PPIL6: variants seen among roughly 807,000 people sequenced by gnomAD.
The protein encoded by PPIL6 is probable inactive peptidyl-prolyl cis-trans isomerase-like 6.
A neutral mutation model predicts 36.8 loss-of-function variants in PPIL6; 39 were observed. The observed-to-expected ratio is 1.06, with a 90% confidence interval of 0.82 to 1.38. PPIL6 has a LOEUF of 1.38. Among genes scored for constraint, PPIL6 ranks in the 40% most tolerant of loss-of-function variants. The pLI is 0.00. For missense variants in PPIL6, 368 were observed against 379.1 expected, an observed-to-expected ratio of 0.97 and a Z score of 0.24; for synonymous variants, 123 against 134.1, an observed-to-expected ratio of 0.92 and a Z score of 0.57.
chr6:109,426,591 T>G (rs1406564468), intron 5 of PPIL6, among the ~76,000 whole-genome samples: 1 of 152,228 alleles, frequency 6.6e-6, no homozygotes, highest in Non-Finnish European at 1.5e-5. Flanking sequence ...AAATAAAATG[T>G]CACCCTACTC....
intron 2 of PPIL6, among the ~76,000 whole-genome samples, chr6:109,433,301 C>T (rs962499225): frequency 6.6e-6 from 1 of 152,186 alleles, no homozygotes; most frequent in Non-Finnish European, 1.5e-5. Flanking sequence ...AGGTGATCTG[C>T]CCGCCTCGGC....
At position 109,427,074 on chromosome 6, in the gene PPIL6, C is replaced by T; in HGVS notation, c.483+20G>A. ...TATAGATCCTACCCCCACAAACTTA[C>T]ATATAAAAAAAAGTATCACCTCAAA... is the stretch of plus-strand genomic sequence containing the variant. On this transcript the variant is annotated intron_variant, in intron 4 of 7. Coordinates refer to ENST00000521072, the MANE Select transcript of PPIL6 (RefSeq NM_173672.5). The T allele has an allele frequency of 1.2e-6, 2 of 1,601,248 alleles. No individual in the cohort carries two copies. The highest frequency in any genetic ancestry group is 1.7e-6 in the Non-Finnish European group (2 of 1,169,358).
chr6:109,438,349 G>A (rs59906308), intron 1 of PPIL6, among the ~76,000 whole-genome samples: 46,940 of 151,490 alleles, frequency 0.31, 7,405 homozygotes, highest in Middle Eastern at 0.41. Flanking sequence ...GGGAGGTCGA[G>A]GAGGATTGCT....
At chr6:109,423,419 C>T (rs898620987) in intron 5 of PPIL6, among the ~76,000 whole-genome samples, 3 of 151,582 alleles carry the variant, frequency 2.0e-5, no homozygotes, top group African/African-American at 7.3e-5. Context: ...TTTCTAAAGC[C>T]AGTTAATAAA....
At chr6:109,433,886 T>C (rs1213822118) in intron 2 of PPIL6, among the ~76,000 whole-genome samples, 5 of 152,062 alleles carry the variant, frequency 3.3e-5, no homozygotes, top group African/African-American at 2.4e-5. Context: ...GAAAGCCTCA[T>C]TCAAGACCCA....
intron 5 of PPIL6, among the ~76,000 whole-genome samples, chr6:109,425,749 CA>C (rs34275471): frequency 0.19 from 19,423 of 103,782 alleles, 2,052 homozygotes; most frequent in African/African-American, 0.42. Flanking sequence ...GACTCCGTTT[CA>C]AAAAAAAAAA....
chr6:109,431,139 A>G lies in PPIL6; in HGVS notation c.420+18T>C. 1.3e-6 allele frequency: 2 copies of G among 1,563,116 alleles called. No homozygotes were observed. On this transcript the variant is annotated intron_variant, in intron 3 of 7. Coordinates refer to ENST00000521072, the MANE Select transcript of PPIL6 (RefSeq NM_173672.5). ...TCAAAGATTCCACAATTTTTCTTTA[A>G]AAGTTAGTATAACTTGCCTTGGTGT...
chr6:109,397,686 C>A (rs1772355777), intron 7 of PPIL6, among the ~76,000 whole-genome samples: 1 of 152,068 alleles, frequency 6.6e-6, no homozygotes, highest in Non-Finnish European at 1.5e-5. Flanking sequence ...AGACTTCAGG[C>A]TGTGCAGATG....
chr6:109,393,882 TTC>T (rs1387817884), intron 7 of PPIL6, among the ~76,000 whole-genome samples: 3 of 152,218 alleles, frequency 2.0e-5, no homozygotes, highest in Non-Finnish European at 4.4e-5. Context: ...TTATATTAAG[TTC>T]TCTGTCGCTC....
intron 6 of PPIL6, among the ~76,000 whole-genome samples, chr6:109,417,467 A>G (rs966999957): frequency 1.3e-5 from 2 of 152,136 alleles, no homozygotes; most frequent in East Asian, 3.9e-4. Flanking sequence ...TCAAGGGTCA[A>G]CTGTATCCTA....
chr6:109,439,883 C>G (rs1382032979), intron 1 of PPIL6, among the ~76,000 whole-genome samples: 1 of 152,144 alleles, frequency 6.6e-6, no homozygotes, highest in Non-Finnish European at 1.5e-5. Flanking sequence ...CTTCCAGTTT[C>G]CTCAAGTGCT....
intron 6 of PPIL6, among the ~76,000 whole-genome samples, chr6:109,415,903 G>A (rs925085659): frequency 6.6e-6 from 1 of 152,082 alleles, no homozygotes; most frequent in African/African-American, 2.4e-5. Context: ...GGTGGCCAGG[G>A]GCATCATTGT....
chr6:109,432,445 A>T (rs1021974049), intron 2 of PPIL6, among the ~76,000 whole-genome samples: 6 of 152,074 alleles, frequency 3.9e-5, no homozygotes, highest in African/African-American at 1.4e-4. Context: ...GTTTATTATT[A>T]CCCAGTACCA....
rs1055756130 is a variant in PPIL6, at chr6:109,390,299, T to C, written c.*2527A>G. The C allele has an allele frequency of 5.9e-5, 9 of 152,212 alleles. No homozygotes were observed. The highest frequency in any genetic ancestry group is 2.2e-4 in the African/African-American group (9 of 41,442). The allele number at this position is 152,212 out of a possible 1,614,324, so 9.4% of individuals were successfully genotyped here. On this transcript the variant is annotated 3_prime_UTR_variant, in exon 8 of 8. Transcript: ENST00000521072. ...TCTCTTATAGGTTCTTTATAGAAAT[T>C]ATTGATTCATGGAACCCTCACAGCA...
intron 6 of PPIL6, among the ~76,000 whole-genome samples, chr6:109,403,653 T>C (rs1372708387): frequency 6.6e-6 from 1 of 152,198 alleles, no homozygotes; most frequent in Non-Finnish European, 1.5e-5. Flanking sequence ...CCTATTTATT[T>C]AGGACTTTAA....
chr6:109,440,491 A>C lies in PPIL6; in HGVS notation c.100T>G (p.Cys34Gly), dbSNP rs1419675193. 3 of 1,539,362 alleles carry C rather than the reference A, an allele frequency of 1.9e-6. No homozygotes were observed. The highest frequency in any genetic ancestry group is 1.8e-6 in the Non-Finnish European group (2 of 1,142,326). ...CTCTTCGCAATCTGAAAGTTGGGGC[A>C]GCTGAAGAGCCCCACCACCTTCACC... ...LQVKVVGLFS[C>G]PNFQIAKSAA... The change falls in exon 1 of 8, where the codon TGC becomes GGC. Residue 34 changes from cysteine to glycine, a missense_variant. Cys to Gly is a radical substitution (Grantham distance 159, BLOSUM62 -3). Transcript: ENST00000521072.
chr6:109,418,360 C>T (rs1319476923), intron 6 of PPIL6: 3 of 152,558 alleles, frequency 2.0e-5, no homozygotes, highest in African/African-American at 7.2e-5. Context: ...CTTAGGGGAT[C>T]CTAAGTACCC....
rs1241516189 is a variant in PPIL6, at chr6:109,390,414, A to G, written c.*2412T>C. ...TGAGTTTGTGCAGCTAGGGAATGGC[A>G]GAGCCAGGATTCTGGCCCTAGAACA... is the stretch of plus-strand genomic sequence containing the variant. On this transcript the variant is annotated 3_prime_UTR_variant, in exon 8 of 8. Transcript: ENST00000521072. 2 of 152,254 alleles carry G rather than the reference A, an allele frequency of 1.3e-5. No homozygotes were observed. The highest frequency in any genetic ancestry group is 1.5e-5 in the Non-Finnish European group (1 of 68,050). 9.4% of individuals were successfully genotyped at this position (152,254 alleles called of 1,614,324 possible).
At chr6:109,393,182 G>C (rs559563433) in intron 7 of PPIL6, among the ~76,000 whole-genome samples, 1 of 151,326 alleles carries the variant, frequency 6.6e-6, no homozygotes, top group African/African-American at 2.4e-5. Flanking sequence ...CCATCTGCTT[G>C]GCACCCTCCC....
Sources: gnomAD v4.1 joint callset for allele counts (sites outside exome capture counted in the v4.1 genomes callset) on GRCh38, gnomAD v4.1.1 for gene constraint, MANE v1.5 for transcripts, NCBI Gene and HGNC (gene_info 2026-07-23, HGNC 2026-07-21) for gene names.